CHD8: variants seen among roughly 807,000 people sequenced by gnomAD.
CHD8 encodes the protein chromodomain helicase DNA binding protein 8.
CHD8 carries 31 observed loss-of-function variants against 279.2 expected under a neutral mutation model. The observed-to-expected ratio is 0.11, with a 90% CI of 0.08 to 0.15. CHD8 has a LOEUF of 0.15. Among genes scored for constraint, CHD8 ranks in the 10% least tolerant of loss-of-function variants. The pLI, the probability that CHD8 is intolerant of heterozygous loss-of-function variation, is 1.00. For missense variants in CHD8, 2,146 were observed against 3,230.5 expected, an observed-to-expected ratio of 0.66 and a Z score of 8.14; for synonymous variants, 1,081 against 1,139.6, an observed-to-expected ratio of 0.95 and a Z score of 1.04.
At chr14:21,430,531 G>A in intron 2 of CHD8, 1 of 352,064 alleles carries the variant, frequency 2.8e-6, no homozygotes, top group East Asian at 4.5e-5. Flanking sequence ...CTGGCAGACG[G>A]TGAGCTCTGT....
intron 1 of CHD8, among the ~76,000 whole-genome samples, chr14:21,450,928 T>C (rs1207425419): frequency 6.6e-6 from 1 of 152,196 alleles, no homozygotes; most frequent in African/African-American, 2.4e-5. Context: ...TGAAGCACAG[T>C]CCTGGAAATT....
chr14:21,451,931 CAATACA>C (rs1315421655), intron 1 of CHD8, among the ~76,000 whole-genome samples: 4 of 152,000 alleles, frequency 2.6e-5, no homozygotes, highest in African/African-American at 9.7e-5. Flanking sequence ...ACTTATTTTA[CAATACA>C]AATACAATGA....
chr14:21,447,243 G>A (rs1890144830), intron 1 of CHD8, among the ~76,000 whole-genome samples: 1 of 152,154 alleles, frequency 6.6e-6, no homozygotes. Context: ...ATAAAAGACT[G>A]TTTTCTAGAG....
At chr14:21,441,679 G>C (rs1024690775) in intron 1 of CHD8, among the ~76,000 whole-genome samples, 6 of 152,102 alleles carry the variant, frequency 3.9e-5, no homozygotes, top group East Asian at 1.9e-4. Flanking sequence ...ACGAGGTCAG[G>C]AGATGGAGAC....
chr14:21,439,863 A>C (rs900145193), intron 1 of CHD8, among the ~76,000 whole-genome samples: 2 of 152,238 alleles, frequency 1.3e-5, no homozygotes, highest in African/African-American at 4.8e-5. Context: ...GCTGCCTTCA[A>C]ATTATACACA....
intron 14 of CHD8, among the ~76,000 whole-genome samples, 176 bp downstream of exon 14, chr14:21,406,680 A>G (rs991183760): frequency 1.3e-5 from 2 of 152,182 alleles, no homozygotes; most frequent in Admixed American, 1.3e-4. Flanking sequence ...AAACTTCCCA[A>G]TTCTAAAATG....
chr14:21,433,002 A>G (rs1013099376), intron 1 of CHD8, among the ~76,000 whole-genome samples: 4 of 152,182 alleles, frequency 2.6e-5, no homozygotes, highest in African/African-American at 9.7e-5. Context: ...TATGCAATGT[A>G]CACCCTCCAC....
chr14:21,429,754 C>T (rs144941512), intron 2 of CHD8: 43 of 293,118 alleles, frequency 1.5e-4, no homozygotes, highest in African/African-American at 8.0e-4. Flanking sequence ...GTGATCCTCC[C>T]GCTTCAGCCT....
chr14:21,442,939 AT>A (rs1890020487), intron 1 of CHD8, among the ~76,000 whole-genome samples: 1 of 152,214 alleles, frequency 6.6e-6, no homozygotes, highest in African/African-American at 2.4e-5. Flanking sequence ...ACCTATATCC[AT>A]TCTGAAGAAT....
rs1472005307 is a variant in CHD8, at chr14:21,428,207, A to T, written c.1263T>A (p.Val421=). ...AAGCTGCCACTTCACTGGCACTCAG[A>T]ACTTTAACTACAGAGAGCCCAGAAG... ...GASSGLSVVK[V]LSASEVAALS... is the part of the protein sequence containing the mutation. The change falls in exon 4 of 38, where the codon GTT becomes GTA. Residue 421 remains valine (V), a synonymous_variant. Transcript: ENST00000646647. 11 of 1,614,012 alleles carry T rather than the reference A, an allele frequency of 6.8e-6. No homozygotes were observed. The highest frequency in any genetic ancestry group is 8.5e-6 in the Non-Finnish European group (10 of 1,179,888).
At chr14:21,441,249 C>G (rs1889953103) in intron 1 of CHD8, among the ~76,000 whole-genome samples, 1 of 152,186 alleles carries the variant, frequency 6.6e-6, no homozygotes, top group South Asian at 2.1e-4. Flanking sequence ...TCTCTTTGGT[C>G]TTCCCTCCTT....
chr14:21,404,866 C>CT lies in CHD8; in HGVS notation c.3307+342dup, dbSNP rs1206155140. 3.6e-5 allele frequency: 8 copies of CT among 220,816 alleles called. No homozygotes were observed. In the Admixed American group the frequency reaches 4.2e-4, roughly 12 times the overall value. 13.7% of individuals were successfully genotyped at this position (220,816 alleles called of 1,614,324 possible). Reference sequence around the variant, plus strand: ...CTTTATTTGGAGACAGGGTCTCACTCTGTCACCCAGGCTGGAGTGCAGTGG... The same window carrying CT: ...CTTTATTTGGAGACAGGGTCTCACTCTTGTCACCCAGGCTGGAGTGCAGTGG... On this transcript the variant is annotated intron_variant, in intron 16 of 37. Transcript: ENST00000646647.
chr14:21,418,599 A>G (rs371710460), intron 5 of CHD8, among the ~76,000 whole-genome samples: 1 of 152,206 alleles, frequency 6.6e-6, no homozygotes, highest in East Asian at 1.9e-4. Flanking sequence ...GCATATCATG[A>G]GGTCAGGAGA....
At chr14:21,399,918 A>G in intron 25 of CHD8, 63 bp downstream of exon 25, 1 of 1,373,806 alleles carries the variant, frequency 7.3e-7, no homozygotes, top group African/African-American at 1.4e-5. Flanking sequence ...AAATGAAATA[A>G]GCAAACCAAT....
chr14:21,422,708 G>A (rs1889103507), intron 5 of CHD8, among the ~76,000 whole-genome samples: 1 of 151,914 alleles, frequency 6.6e-6, no homozygotes, highest in African/African-American at 2.4e-5. Context: ...CGGGTGGATC[G>A]CTTGAGGTCA....
chr14:21,444,379 T>TA (rs1890061859), intron 1 of CHD8, among the ~76,000 whole-genome samples: 1 of 152,222 alleles, frequency 6.6e-6, no homozygotes, highest in African/African-American at 2.4e-5. Context: ...AGTTGGCTAA[T>TA]ACCTATGAGC....
chr14:21,413,109 G>A (rs1482231086), intron 9 of CHD8, 113 bp from the exon 10 acceptor site: 1 of 699,708 alleles, frequency 1.4e-6, no homozygotes, highest in Non-Finnish European at 2.6e-6. Context: ...AAAGAAATTA[G>A]AAGCTATCCG....
At chr14:21,452,811 C>G (rs1398780789) in intron 1 of CHD8, among the ~76,000 whole-genome samples, 1 of 151,798 alleles carries the variant, frequency 6.6e-6, no homozygotes, top group East Asian at 1.9e-4. Context: ...TGGTGAAACC[C>G]TGTCTCTACT....
rs372488156 is a variant in CHD8 at position 21,393,820 on chromosome 14, C to T, written c.5975G>A (p.Arg1992His). 9 of 1,613,756 alleles carry T rather than the reference C, an allele frequency of 5.6e-6. No individual in the cohort carries two copies. The highest frequency in any genetic ancestry group is 1.7e-5 in the Admixed American group (1 of 59,988). ...TPLLHQQYTS[R>H]TASPLPLRPD... The stretch of plus-strand genomic sequence containing the variant: ...GCGCAGGGGCAGTGGTGAGGCAGTG[C>T]GTGAGGTATACTGCTGGTGCAGCAG... Residue 1992 changes from arginine to histidine, a missense_variant, in exon 32 of 38, where the codon CGC becomes CAC. Physicochemically the swap from Arg to His is conservative, Grantham distance 29 (BLOSUM62 0). Transcript: ENST00000646647.
Sources: gnomAD v4.1 joint callset for allele counts (sites outside exome capture counted in the v4.1 genomes callset) on GRCh38, gnomAD v4.1.1 for gene constraint, MANE v1.5 for transcripts, NCBI Gene and HGNC (gene_info 2026-07-23, HGNC 2026-07-21) for gene names.